TPM3: variants seen among roughly 807,000 people sequenced by gnomAD.
TPM3 encodes tropomyosin 3, also known as tropomyosin alpha-3 chain.
TPM3 carries 16 observed loss-of-function variants against 43.1 expected under a neutral mutation model. The observed-to-expected ratio is 0.37, with a 90% CI of 0.25 to 0.56. TPM3 has a LOEUF of 0.56. TPM3 is among the 20% of genes least tolerant of loss of function. The pLI is 0.77. For synonymous variants in TPM3, 101 were observed against 116.9 expected, an observed-to-expected ratio of 0.86 and a Z score of 0.88; for missense variants, 176 against 337.2, an observed-to-expected ratio of 0.52 and a Z score of 3.74.
Position 154,183,187 on chromosome 1 carries a change from C to T in TPM3, c.244-6939G>A, listed in dbSNP as rs1026853012. ...TCCGCTCGGCGTTGCAGCCTCCTCT[C>T]ACCCTTACTTCCGCCTGCTACGCCC... On this transcript the variant is annotated intron_variant, in intron 2 of 9. Transcript: ENST00000651641. 4.4e-6 allele frequency: 7 copies of T among 1,593,400 alleles called. No homozygotes were observed. In the African/African-American group the frequency reaches 6.7e-5, roughly 15 times the overall value.
chr1:154,189,817 A>G (rs1202214108), intron 2 of TPM3, among the ~76,000 whole-genome samples: 2 of 151,740 alleles, frequency 1.3e-5, no homozygotes, highest in Admixed American at 6.6e-5. Flanking sequence ...AAAAAAAAAA[A>G]AAAGGAAAAG....
chr1:154,183,202 C>G, intron 2 of TPM3: 1 of 1,579,260 alleles, frequency 6.3e-7, no homozygotes, highest in Non-Finnish European at 8.5e-7. Context: ...TTACTTCCGC[C>G]TGCTACGCCC....
At chr1:154,168,095 A>G (rs532423171) in intron 9 of TPM3, among the ~76,000 whole-genome samples, 155 bp from the exon 10 acceptor site, 1 of 152,330 alleles carries the variant, frequency 6.6e-6, no homozygotes, top group Non-Finnish European at 1.5e-5. Flanking sequence ...GCTTCTTTTC[A>G]GGGTTAGTGG....
chr1:154,182,690 G>T (rs1288631965), intron 2 of TPM3, among the ~76,000 whole-genome samples: 1 of 152,116 alleles, frequency 6.6e-6, no homozygotes, highest in Non-Finnish European at 1.5e-5. Flanking sequence ...CCACGGCCGC[G>T]CCCGGATCGG....
intron 3 of TPM3, among the ~76,000 whole-genome samples, chr1:154,175,338 A>AC (rs1346849450): frequency 1.3e-5 from 2 of 151,596 alleles, no homozygotes; most frequent in Non-Finnish European, 2.9e-5. Flanking sequence ...CTCAAAAAAA[A>AC]AAAAAAAAAA....
chr1:154,174,359 AAT>A (rs1254016477), intron 3 of TPM3, among the ~76,000 whole-genome samples: 1 of 54,728 alleles, frequency 1.8e-5, no homozygotes, highest in South Asian at 7.1e-4. Flanking sequence ...ATATTATTTA[AAT>A]ATATGTGTAT....
At chr1:154,168,718 G>T (rs900627249) in intron 9 of TPM3, among the ~76,000 whole-genome samples, 1 of 152,096 alleles carries the variant, frequency 6.6e-6, no homozygotes, top group Admixed American at 6.6e-5. Context: ...TAGAGACAGG[G>T]TTTTGCCATG....
Position 154,166,841 on chromosome 1 carries a change from C to T in TPM3, c.*1096G>A, listed in dbSNP as rs1230951338. ...GGATTACAGGCACCCACCCACCATG[C>T]CCAGCTAATTTTTGTATTTTTAGTA... On this transcript the variant is annotated 3_prime_UTR_variant, in exon 10 of 10. Transcript: ENST00000651641. The T allele has an allele frequency of 3.4e-6, 1 of 292,946 alleles. No individual in the cohort carries two copies. The highest frequency in any genetic ancestry group is 1.7e-4 in the East Asian group (1 of 5,808). 18.1% of individuals were successfully genotyped at this position (292,946 alleles called of 1,614,324 possible). A position where few individuals can be genotyped will look rare whatever the true frequency, so the allele number is the denominator to read the frequency against.
intron 2 of TPM3, among the ~76,000 whole-genome samples, chr1:154,186,401 G>GC (rs1369191130): frequency 9.2e-5 from 14 of 151,482 alleles, no homozygotes; most frequent in Non-Finnish European, 1.9e-4. Flanking sequence ...TCCTCTTAAT[G>GC]CAGTCAAACA....
At position 154,163,371 on chromosome 1, in the gene TPM3, T is replaced by C. The variant is rs1455026706; in HGVS notation, c.*4566A>G. Among the ~76,000 whole-genome samples the C allele has an allele frequency of 6.6e-6, 1 of 152,200 alleles. No individual in the cohort carries two copies. The highest frequency in any genetic ancestry group is 1.5e-5 in the Non-Finnish European group (1 of 68,042). On this transcript the variant is annotated 3_prime_UTR_variant, in exon 10 of 10. Coordinates refer to ENST00000651641, the MANE Select transcript of TPM3 (RefSeq NM_152263.4). Reference sequence around the variant, plus strand: ...GAAAGCCCTGCTCTAAAGTAAATTATATTGCCTATATAATCTTCCTACCAA... The same window carrying C: ...GAAAGCCCTGCTCTAAAGTAAATTACATTGCCTATATAATCTTCCTACCAA...
At chr1:154,190,682 T>C (rs1195350096) in intron 2 of TPM3, among the ~76,000 whole-genome samples, 3 of 152,214 alleles carry the variant, frequency 2.0e-5, no homozygotes. Flanking sequence ...AATGCCTGCA[T>C]TGGCCAAGAT....
chr1:154,183,221 C>T, intron 2 of TPM3: 1 of 1,559,364 alleles, frequency 6.4e-7, no homozygotes, highest in Non-Finnish European at 8.6e-7. Flanking sequence ...CCTGAAATAC[C>T]GGAACTCACC....
chr1:154,182,180 G>A (rs1361302614), intron 2 of TPM3, among the ~76,000 whole-genome samples: 2 of 152,230 alleles, frequency 1.3e-5, no homozygotes, highest in Non-Finnish European at 2.9e-5. Flanking sequence ...CAGCAATAAA[G>A]GCCTGAATCT....
At chr1:154,161,276 T>C (rs1660335786), downstream of TPM3, among the ~76,000 whole-genome samples, 1 of 152,048 alleles carries the variant, frequency 6.6e-6, no homozygotes, top group African/African-American at 2.4e-5. Flanking sequence ...TGGGGCGTCC[T>C]TGTCAAAATA....
chr1:154,160,726 T>C (rs1200089627), downstream of TPM3, among the ~76,000 whole-genome samples: 2 of 152,192 alleles, frequency 1.3e-5, no homozygotes, highest in Admixed American at 1.3e-4. Context: ...TGTCCTACTC[T>C]AAATGACAAA....
Position 154,167,503 on chromosome 1 carries a change from C to T in TPM3, c.*434G>A, listed in dbSNP as rs1661108730. On this transcript the variant is annotated 3_prime_UTR_variant, in exon 10 of 10. Coordinates refer to ENST00000651641, the MANE Select transcript of TPM3 (RefSeq NM_152263.4). ...TGGAAATAAGGAATTTAATCTTGTT[C>T]AGCTTGAGGAGTATAACTAAAATTA... 1 of 1,081,376 alleles carries T rather than the reference C, an allele frequency of 9.2e-7. No individual in the cohort carries two copies. The highest frequency in any genetic ancestry group is 1.1e-6 in the Non-Finnish European group (1 of 887,770). 67.0% of individuals were successfully genotyped at this position (1,081,376 alleles called of 1,614,324 possible). A position where few individuals can be genotyped will look rare whatever the true frequency, so the allele number is the denominator to read the frequency against.
chr1:154,182,000 C>G (rs1264483548), intron 2 of TPM3, among the ~76,000 whole-genome samples: 2 of 151,274 alleles, frequency 1.3e-5, no homozygotes, highest in Non-Finnish European at 2.9e-5. Context: ...TTCAGTTGAA[C>G]AAATATTCCA....
rs555266139 is a variant in TPM3 at position 154,191,055 on chromosome 1, A to T, written c.243+131T>A. 2.1e-6 allele frequency: 3 copies of T among 1,412,330 alleles called. No individual in the cohort carries two copies. The South Asian group carries it at 3.5e-5, about 16-fold the overall frequency. The allele number at this position is 1,412,330 out of a possible 1,614,324, so 87.5% of individuals were successfully genotyped here. A position where few individuals can be genotyped will look rare whatever the true frequency, so the allele number is the denominator to read the frequency against. On this transcript the variant is annotated intron_variant, in intron 2 of 9. Coordinates refer to ENST00000651641, the MANE Select transcript of TPM3 (RefSeq NM_152263.4). Reference sequence around the variant, plus strand: ...TGAGAATATACCAGCATGTGGTTATATGCAAAAATGTATGTGAGTATATAT... The same window carrying T: ...TGAGAATATACCAGCATGTGGTTATTTGCAAAAATGTATGTGAGTATATAT...
chr1:154,176,978 C>CAA (rs60774056), intron 2 of TPM3, among the ~76,000 whole-genome samples: 98 of 55,868 alleles, frequency 1.8e-3, no homozygotes, highest in African/African-American at 5.5e-3. Flanking sequence ...AACTCCATTT[C>CAA]AAAAAAAAAA....
Sources: allele counts gnomAD v4.1 joint callset (sites outside exome capture counted in the v4.1 genomes callset), GRCh38; gene constraint gnomAD v4.1.1; transcripts MANE v1.5; gene names NCBI Gene and HGNC (gene_info 2026-07-23, HGNC 2026-07-21).